Variants in PUS1 observed in about 807,000 individuals in gnomAD.
PUS1 encodes pseudouridylate synthase 1 homolog.
A neutral mutation model predicts 38.5 loss-of-function variants in PUS1; 25 were observed. That is an observed-to-expected ratio of 0.65 (90% confidence interval 0.47 to 0.91). PUS1 has a LOEUF of 0.91. Among genes scored for constraint, PUS1 ranks in the 40% least tolerant of loss-of-function variants. The pLI is 0.00. For synonymous variants in PUS1, 282 were observed against 260.4 expected, an observed-to-expected ratio of 1.08 and a Z score of -0.80; for missense variants, 597 against 612.3, an observed-to-expected ratio of 0.97 and a Z score of 0.26.
chr12:131,931,833 A>G, intron 2 of PUS1: 2 of 547,234 alleles, frequency 3.7e-6, no homozygotes, highest in Non-Finnish European at 6.5e-6. Flanking sequence ...ACCTGGCCAT[A>G]GATTACTTTA....
At chr12:131,938,313 TGC>T (rs1890918906) in intron 3 of PUS1, among the ~76,000 whole-genome samples, 1 of 152,070 alleles carries the variant, frequency 6.6e-6, no homozygotes, top group African/African-American at 2.4e-5. Context: ...GGCATCGTGG[TGC>T]CTGTCTGTAG....
chr12:131,939,818 GTT>G (rs1231095867), intron 4 of PUS1, among the ~76,000 whole-genome samples: 5 of 152,082 alleles, frequency 3.3e-5, no homozygotes, highest in Admixed American at 3.3e-4. Context: ...TCATTTTTGA[GTT>G]TGTAGAGATG....
intron 4 of PUS1, among the ~76,000 whole-genome samples, chr12:131,940,429 C>T (rs771558967): frequency 2.0e-5 from 3 of 152,194 alleles, no homozygotes; most frequent in South Asian, 2.1e-4. Flanking sequence ...GGGTGTGCCA[C>T]GGATTGTTTA....
chr12:131,937,019 C>G (rs1221507852), intron 3 of PUS1, among the ~76,000 whole-genome samples: 1 of 152,214 alleles, frequency 6.6e-6, no homozygotes, highest in Non-Finnish European at 1.5e-5. Context: ...ACTTCAGCTT[C>G]TACAGAGTGG....
chr12:131,941,535 T>G lies in PUS1; in HGVS notation c.788T>G (p.Ile263Ser), dbSNP rs750111114. ...GPQDPSACRYILEMYCEEPFV... is the reference protein window; with the variant it reads ...GPQDPSACRYSLEMYCEEPFV... ...CAGGATCCCAGTGCCTGCCGCTACA[T>G]CCTGGAGATGTACTGCGAGGAACCC... is the stretch of plus-strand genomic sequence containing the variant. The change falls in exon 5 of 6, where the codon ATC becomes AGC. Residue 263 changes from isoleucine to serine, a missense_variant. Coordinates refer to ENST00000376649, the MANE Select transcript of PUS1 (RefSeq NM_025215.6). The surrounding 1 kb of genome is among the most constrained non-coding windows in gnomAD (Gnocchi z 4.4). The G allele has an allele frequency of 6.2e-7, 1 of 1,614,044 alleles. No homozygotes were observed. Among genetic ancestry groups the G allele is most frequent in the African/African-American group, 1.3e-5 (1 of 74,918 alleles).
chr12:131,939,137 AC>A, intron 3 of PUS1, 35 bp from the exon 4 acceptor site: 1 of 1,403,970 alleles, frequency 7.1e-7, no homozygotes, highest in Non-Finnish European at 9.9e-7. Context: ...GGCCCAAGGG[AC>A]CCACCTTCCG....
At chr12:131,938,722 T>C (rs1340222249) in intron 3 of PUS1, among the ~76,000 whole-genome samples, 1 of 150,418 alleles carries the variant, frequency 6.6e-6, no homozygotes, top group Non-Finnish European at 1.5e-5. Flanking sequence ...ATATCTTTTT[T>C]TTTTTTTTTT....
At chr12:131,938,985 C>T (rs903174077) in intron 3 of PUS1, among the ~76,000 whole-genome samples, 188 bp from the exon 4 acceptor site, 3 of 152,230 alleles carry the variant, frequency 2.0e-5, no homozygotes, top group Admixed American at 6.5e-5. Context: ...TCGTGATCCA[C>T]CCGCCTCGGC....
chr12:131,930,863 G>C (rs574915277), intron 2 of PUS1, among the ~76,000 whole-genome samples: 1 of 152,034 alleles, frequency 6.6e-6, no homozygotes, highest in African/African-American at 2.4e-5. Flanking sequence ...GGGTCTCGCT[G>C]TGTTGCCCAG....
chr12:131,931,927 A>G, intron 2 of PUS1: 1 of 620,076 alleles, frequency 1.6e-6, no homozygotes, highest in Non-Finnish European at 2.9e-6. Context: ...AGGTGTATGC[A>G]CAGGTTCAAT....
Position 131,941,184 on chromosome 12 carries a change from G to A in PUS1, c.545-108G>A, listed in dbSNP as rs1028942108. The A allele has an allele frequency of 4.2e-6, 4 of 944,944 alleles. No homozygotes were observed. Among genetic ancestry groups the A allele is most frequent in the Non-Finnish European group, 5.0e-6 (3 of 604,132 alleles). 58.5% of individuals were successfully genotyped at this position (944,944 alleles called of 1,614,324 possible). On this transcript the variant is annotated intron_variant, in intron 4 of 5. Coordinates refer to ENST00000376649, the MANE Select transcript of PUS1 (RefSeq NM_025215.6). The surrounding 1 kb of genome is among the most constrained non-coding windows in gnomAD (Gnocchi z 4.4). ...AGCCGATGCTTGCTGGAGCTTGGTC[G>A]GTGCTCTGGGTAAGGAGACGCTGGG...
rs1226048591 is a variant in PUS1 at position 131,944,842 on chromosome 12, C to T, written c.*1256C>T. On this transcript the variant is annotated 3_prime_UTR_variant, in exon 6 of 6. Transcript: ENST00000376649. ...TGCACGTCATTGGTCACAGGTGCATCCAGCGGCCCTTCGTAGCTGCAAGGG... is the reference window on the plus strand; with the variant it reads ...TGCACGTCATTGGTCACAGGTGCATTCAGCGGCCCTTCGTAGCTGCAAGGG... The T allele has an allele frequency of 6.6e-6, 1 of 152,400 alleles. No homozygotes were observed. Among genetic ancestry groups the T allele is most frequent in the African/African-American group, 2.4e-5 (1 of 41,472 alleles). The allele number at this position is 152,400 out of a possible 1,614,324, so 9.4% of individuals were successfully genotyped here.
At chr12:131,938,286 A>C (rs568475858) in intron 3 of PUS1, among the ~76,000 whole-genome samples, 3 of 152,206 alleles carry the variant, frequency 2.0e-5, no homozygotes, top group African/African-American at 7.2e-5. Context: ...TCTACAAAAA[A>C]AATTGAAAAC....
At chr12:131,936,831 G>A (rs1224232295) in intron 3 of PUS1, among the ~76,000 whole-genome samples, 1 of 151,800 alleles carries the variant, frequency 6.6e-6, no homozygotes, top group Non-Finnish European at 1.5e-5. Context: ...GAAGGTGGCA[G>A]GGAGTCGAGG....
rs564339744 is a variant in PUS1 at position 131,940,693 on chromosome 12, C to T, written c.545-599C>T. On this transcript the variant is annotated intron_variant, in intron 4 of 5. Coordinates refer to ENST00000376649, the MANE Select transcript of PUS1 (RefSeq NM_025215.6). The stretch of plus-strand genomic sequence containing the variant: ...GCCTCCTGGGTTCAAGTGATTCTCC[C>T]ACCTCAGCCTTCCCAGTAGCTGGGA... Among the ~76,000 whole-genome samples the T allele has an allele frequency of 2.6e-5, 4 of 152,254 alleles. No homozygotes were observed. The South Asian group carries it at 8.3e-4, about 32-fold the overall frequency.
At chr12:131,943,452 G>T in intron 5 of PUS1, 87 bp from the exon 6 acceptor site, 2 of 1,112,782 alleles carry the variant, frequency 1.8e-6, no homozygotes, top group Middle Eastern at 3.9e-4. Flanking sequence ...AGGCTCCTGT[G>T]CCAAGCCTGT....
chr12:131,942,547 C>T (rs1322385098), intron 5 of PUS1, among the ~76,000 whole-genome samples: 5 of 152,102 alleles, frequency 3.3e-5, no homozygotes, highest in African/African-American at 9.7e-5. Context: ...GCTGGGACTA[C>T]AGGCGCCCAC....
rs745620984 is a variant in PUS1 at position 131,932,247 on chromosome 12, A to G, written c.376A>G (p.Ile126Val). Residue 126 changes from isoleucine to valine, a missense_variant, in exon 3 of 6, where the codon ATT becomes GTT. Transcript: ENST00000376649. The part of the protein sequence containing the change: ...LVSALVRSGC[I>V]PENHGEDMRK... ...GTCCGCCCTCGTCCGGTCAGGCTGT[A>G]TTCCTGAAAATCATGGTGAGGACAT... 14 of 1,613,782 alleles carry G rather than the reference A, an allele frequency of 8.7e-6. No homozygotes were observed. The highest frequency in any genetic ancestry group is 1.1e-5 in the Non-Finnish European group (13 of 1,179,782).
chr12:131,931,840 T>G (rs1366973681), intron 2 of PUS1: 22 of 545,326 alleles, frequency 4.0e-5, no homozygotes, highest in Non-Finnish European at 9.9e-6. Context: ...CATAGATTAC[T>G]TTATAGTCAA....
Sources: allele counts gnomAD v4.1 joint callset (sites outside exome capture counted in the v4.1 genomes callset), GRCh38; gene constraint gnomAD v4.1.1; non-coding constraint Gnocchi (gnomAD v3.1); transcripts MANE v1.5; gene names NCBI Gene and HGNC (gene_info 2026-07-23, HGNC 2026-07-21).